The following GLRA3 variants were observed in gnomAD, a reference collection of about 807,000 sequenced individuals.
The protein encoded by GLRA3 is glycine receptor alpha 3.
A neutral mutation model predicts 60.4 loss-of-function variants in GLRA3; 44 were observed. The observed-to-expected ratio is 0.73, with a 90% CI of 0.57 to 0.94. The LOEUF (loss-of-function observed/expected upper bound fraction) is 0.94. Ranked by LOEUF, GLRA3 falls within the 40% of genes least tolerant of loss-of-function variation. GLRA3 has a pLI of 0.00. For missense variants in GLRA3, 508 were observed against 564.6 expected (o/e 0.90, Z 1.02); for synonymous variants, 223 against 192.9 (o/e 1.16, Z -1.29).
intron 3 of GLRA3, among the ~76,000 whole-genome samples, chr4:174,751,909 A>G (rs1737503866): frequency 6.6e-6 from 1 of 152,072 alleles, no homozygotes; most frequent in Non-Finnish European, 1.5e-5. Context: ...GGGGAGGGCA[A>G]TTAGGGAAAA....
chr4:174,703,881 G>C (rs1295314533), intron 5 of GLRA3, among the ~76,000 whole-genome samples: 1 of 152,060 alleles, frequency 6.6e-6, no homozygotes, highest in African/African-American at 2.4e-5. Context: ...TGAACACCAG[G>C]GTCCTGTTTG....
At chr4:174,828,109 A>G (rs77789014) in intron 1 of GLRA3, among the ~76,000 whole-genome samples, 131 of 152,282 alleles carry the variant, frequency 8.6e-4, no homozygotes, top group African/African-American at 3.1e-3. Flanking sequence ...CATGTCATAG[A>G]ACAATTTCAT....
Position 174,701,210 on chromosome 4 carries a change from A to G in GLRA3, c.574+14278T>C, listed in dbSNP as rs908489073. Among the ~76,000 whole-genome samples the G allele has an allele frequency of 6.6e-5, 10 of 152,176 alleles. No homozygotes were observed. The East Asian group carries it at 1.9e-3, about 29-fold the overall frequency. On this transcript the variant is annotated intron_variant, in intron 5 of 9. Transcript: ENST00000274093. ...AAGCTGATGACTCTAAGTTGAAGCC[A>G]GTACTCATTCACCGCTCAAAGATCC...
intron 1 of GLRA3, among the ~76,000 whole-genome samples, chr4:174,817,110 G>A (rs1740536749): frequency 6.6e-6 from 1 of 152,186 alleles, no homozygotes; most frequent in African/African-American, 2.4e-5. Flanking sequence ...CTTCCAAGAA[G>A]TTCAGCATGC....
intron 7 of GLRA3, among the ~76,000 whole-genome samples, chr4:174,671,410 C>T (rs887603700): frequency 1.2e-4 from 18 of 151,924 alleles, no homozygotes; most frequent in Admixed American, 9.2e-4. Flanking sequence ...AATAAGACTG[C>T]GTATTTGCTA....
chr4:174,773,019 A>G (rs1738452893), intron 2 of GLRA3, among the ~76,000 whole-genome samples: 1 of 152,322 alleles, frequency 6.6e-6, no homozygotes, highest in South Asian at 2.1e-4. Context: ...TAGCTTTGAA[A>G]TAGACATTCA....
intron 4 of GLRA3, among the ~76,000 whole-genome samples, chr4:174,725,865 C>A (rs1200816200): frequency 6.6e-6 from 1 of 152,120 alleles, no homozygotes; most frequent in Non-Finnish European, 1.5e-5. Flanking sequence ...TGTATGATTT[C>A]TGGTTCTTTG....
intron 3 of GLRA3, among the ~76,000 whole-genome samples, chr4:174,734,650 C>T (rs911003719): frequency 3.9e-5 from 6 of 152,212 alleles, no homozygotes; most frequent in Non-Finnish European, 7.4e-5. Context: ...GTTCTGGAAA[C>T]ATGCAATTAA....
intron 7 of GLRA3, among the ~76,000 whole-genome samples, chr4:174,659,777 G>A (rs1005941394): frequency 6.6e-6 from 1 of 152,050 alleles, no homozygotes; most frequent in Admixed American, 6.6e-5. Context: ...TTCGAGACCA[G>A]CCTAGCCAAC....
intron 1 of GLRA3, among the ~76,000 whole-genome samples, chr4:174,822,096 T>TTGG (rs1740763799): frequency 6.6e-6 from 1 of 152,176 alleles, no homozygotes; most frequent in African/African-American, 2.4e-5. Context: ...CATGAAAATC[T>TTGG]AAAACACAAA....
chr4:174,662,532 T>C (rs1283332316), intron 7 of GLRA3, among the ~76,000 whole-genome samples: 2 of 152,214 alleles, frequency 1.3e-5, no homozygotes, highest in African/African-American at 2.4e-5. Context: ...TTCTGTATTC[T>C]TTCCTCTTTC....
intron 2 of GLRA3, among the ~76,000 whole-genome samples, chr4:174,780,740 G>T (rs1033145762): frequency 2.6e-5 from 4 of 151,432 alleles, no homozygotes; most frequent in Admixed American, 6.6e-5. Context: ...ATGGTAAAGG[G>T]ATCAATTCAA....
At position 174,682,784 on chromosome 4, in the gene GLRA3, A is replaced by G. The variant is rs1174305243; in HGVS notation, c.712+18T>C. 3 of 1,583,026 alleles carry G rather than the reference A, an allele frequency of 1.9e-6. No individual in the cohort carries two copies. ...AAACCACAAGTAGTAAGTGTAAAGAACACTACTCAACCCCTACCTGTATTG... is the reference window on the plus strand; with the variant it reads ...AAACCACAAGTAGTAAGTGTAAAGAGCACTACTCAACCCCTACCTGTATTG... On this transcript the variant is annotated intron_variant, in intron 6 of 9. Transcript: ENST00000274093.
At position 174,788,909 on chromosome 4, in the gene GLRA3, A is replaced by T. The variant is rs778833127; in HGVS notation, c.106T>A (p.Ser36Thr). 6.2e-7 allele frequency: 1 copy of T among 1,606,420 alleles called. No homozygotes were observed. Among genetic ancestry groups the T allele is most frequent in the Non-Finnish European group, 8.5e-7 (1 of 1,175,222 alleles). The change falls in exon 2 of 10, where the codon TCT becomes ACT. Residue 36 changes from serine to threonine, a missense_variant. Physicochemically the swap from Ser to Thr is moderately conservative, Grantham distance 58. Transcript: ENST00000274093. ...GAAGGTGACATTGGAGCACTTCGAG[A>T]TCTTGCACTGTCTGTTTCCTTTGTG... Reference protein sequence around the residue: ...VATKETDSARSRSAPMSPSDF... With the variant: ...VATKETDSARTRSAPMSPSDF...
At chr4:174,753,942 C>T (rs767390020) in intron 3 of GLRA3, among the ~76,000 whole-genome samples, 11 of 151,622 alleles carry the variant, frequency 7.3e-5, no homozygotes, top group Admixed American at 4.6e-4. Context: ...CTGTGCCTGA[C>T]GACTCTCTCT....
chr4:174,691,588 T>C lies in GLRA3; in HGVS notation c.575-8649A>G, dbSNP rs537074749. ...CGTATTTTTTTGGTGGAGACGGGGT[T>C]TCGCTGTGTTGGCTGGGCTGGTCTC... On this transcript the variant is annotated intron_variant, in intron 5 of 9. Coordinates refer to ENST00000274093, the MANE Select transcript of GLRA3 (RefSeq NM_006529.4). Among the ~76,000 whole-genome samples, 614 of 152,344 alleles carry C rather than the reference T, an allele frequency of 4.0e-3. 1 individual carries two copies. The highest frequency in any genetic ancestry group is 5.5e-3 in the Non-Finnish European group (373 of 68,032).
In GLRA3 at chr4:174,788,808, A is replaced by T. The variant is rs368011117; in HGVS notation, c.199+8T>A. 3 of 1,589,178 alleles carry T rather than the reference A, an allele frequency of 1.9e-6. No individual in the cohort carries two copies. Among genetic ancestry groups the T allele is most frequent in the South Asian group, 2.3e-5 (2 of 87,634 alleles). ...ACACACATATAAAGTAGCAAACAGA[A>T]CAATTACCTTTAAAATTGGGTCTGA... On this transcript the variant is annotated splice_region_variant and intron_variant, in intron 2 of 9. Transcript: ENST00000274093.
chr4:174,648,922 A>T (rs1331793480), intron 9 of GLRA3, among the ~76,000 whole-genome samples: 1 of 152,106 alleles, frequency 6.6e-6, no homozygotes, highest in Non-Finnish European at 1.5e-5. Flanking sequence ...GAGGACGGAA[A>T]TCTGTTCCAA....
At chr4:174,644,147 A>T in intron 9 of GLRA3, 83 bp from the exon 10 acceptor site, 1 of 758,608 alleles carries the variant, frequency 1.3e-6, no homozygotes, top group Non-Finnish European at 2.2e-6. Context: ...AACCAATTTT[A>T]TCATGGTTAA....
Sources: gnomAD v4.1 joint callset for allele counts (sites outside exome capture counted in the v4.1 genomes callset) on GRCh38, gnomAD v4.1.1 for gene constraint, MANE v1.5 for transcripts, NCBI Gene and HGNC (gene_info 2026-07-23, HGNC 2026-07-21) for gene names.